Variants in SGCD observed in about 807,000 individuals in gnomAD.
SGCD encodes the protein sarcoglycan delta.
In SGCD, 18 loss-of-function variants were observed where a neutral mutation model predicts 36.6. That is an observed-to-expected ratio of 0.49 (90% CI 0.34 to 0.73). SGCD has a LOEUF of 0.73. SGCD is among the 30% of genes least tolerant of loss of function. The probability of loss-of-function intolerance (pLI) is 0.01; values close to 1 mark genes in which losing one functional copy is unlikely to be tolerated. For missense variants in SGCD, 387 were observed against 346.7 expected (o/e 1.12, Z -0.92); for synonymous variants, 133 against 130.6 (o/e 1.02, Z -0.12).
intron 7 of SGCD, among the ~76,000 whole-genome samples, chr5:156,726,021 C>A (rs1755756212): frequency 6.6e-6 from 1 of 152,174 alleles, no homozygotes; most frequent in South Asian, 2.1e-4. Context: ...AAATTCTAGT[C>A]ATCTCCAAAG....
intron 4 of SGCD, among the ~76,000 whole-genome samples, chr5:156,521,889 T>C (rs1757425658): frequency 6.6e-6 from 1 of 152,164 alleles, no homozygotes; most frequent in South Asian, 2.1e-4. Context: ...TAAAGATACA[T>C]ACATGTGTAT....
intron 3 of SGCD, among the ~76,000 whole-genome samples, chr5:156,471,976 G>T (rs925378096): frequency 3.3e-5 from 5 of 150,682 alleles, no homozygotes; most frequent in African/African-American, 1.2e-4. Context: ...CACAAAAGAA[G>T]ATTTATGAAT....
chr5:156,105,939 C>T (rs955190020), intron 1 of SGCD, among the ~76,000 whole-genome samples: 4 of 151,046 alleles, frequency 2.6e-5, no homozygotes, highest in African/African-American at 9.7e-5. Context: ...GGTGAAACCC[C>T]GTCTCTACTA....
chr5:156,599,619 ATT>A (rs1467583740), intron 6 of SGCD, among the ~76,000 whole-genome samples: 1 of 152,214 alleles, frequency 6.6e-6, no homozygotes, highest in African/African-American at 2.4e-5. Context: ...CCTTGAGCAC[ATT>A]CAAGGGATCT....
intron 1 of SGCD, among the ~76,000 whole-genome samples, chr5:155,995,827 C>T (rs993295816): frequency 2.0e-5 from 3 of 151,716 alleles, no homozygotes; most frequent in Non-Finnish European, 2.9e-5. Context: ...AGATGGCCCC[C>T]GAGTGAGGAA....
intron 4 of SGCD, among the ~76,000 whole-genome samples, chr5:156,547,296 T>A (rs1056295243): frequency 6.6e-6 from 1 of 152,278 alleles, no homozygotes; most frequent in Admixed American, 6.5e-5. Context: ...CCCTCTGTTG[T>A]GACAACCAAA....
At chr5:156,591,120 C>T (rs866799929) in intron 5 of SGCD, among the ~76,000 whole-genome samples, 14 of 152,188 alleles carry the variant, frequency 9.2e-5, no homozygotes, top group African/African-American at 2.9e-4. Context: ...TTTTACATTA[C>T]ATTAATGCAC....
intron 1 of SGCD, among the ~76,000 whole-genome samples, chr5:155,914,599 A>G (rs1481856056): frequency 1.3e-5 from 2 of 152,188 alleles, no homozygotes; most frequent in African/African-American, 2.4e-5. Context: ...TGGCTAACCT[A>G]TTTTCTGCTG....
chr5:156,319,614 T>C lies in SGCD; in HGVS notation c.-43-9920T>C, dbSNP rs1046438029. ...GTGAAGCCCCAGCAGTAATTTCCCATAGTGAGTGAAGAGGTGATACAGTGA... is the reference window on the plus strand; with the variant it reads ...GTGAAGCCCCAGCAGTAATTTCCCACAGTGAGTGAAGAGGTGATACAGTGA... On this transcript the variant is annotated intron_variant, in intron 3 of 9. Coordinates refer to the SGCD transcript ENST00000517913. Among the ~76,000 whole-genome samples, 10 of 152,164 alleles carry C rather than the reference T, an allele frequency of 6.6e-5. 1 individual carries two copies. The highest frequency in any genetic ancestry group is 6.5e-4 in the Admixed American group (10 of 15,278).
At chr5:156,419,038 A>T (rs1167338516) in intron 3 of SGCD, among the ~76,000 whole-genome samples, 1 of 152,160 alleles carries the variant, frequency 6.6e-6, no homozygotes, top group Non-Finnish European at 1.5e-5. Flanking sequence ...CTACTTTGTT[A>T]GTTTATTGCA....
chr5:156,684,278 G>A (rs777047111), intron 7 of SGCD, among the ~76,000 whole-genome samples: 3 of 152,080 alleles, frequency 2.0e-5, no homozygotes, highest in Non-Finnish European at 4.4e-5. Flanking sequence ...AGATGATGAA[G>A]TGAGGATGCT....
intron 3 of SGCD, among the ~76,000 whole-genome samples, chr5:156,456,699 G>A (rs987152115): frequency 6.6e-6 from 1 of 152,176 alleles, no homozygotes; most frequent in African/African-American, 2.4e-5. Flanking sequence ...AGGCTTTAGA[G>A]GGATTGTGGT....
chr5:156,635,182 C>T (rs549806695), intron 6 of SGCD, among the ~76,000 whole-genome samples: 1 of 152,254 alleles, frequency 6.6e-6, no homozygotes, highest in African/African-American at 2.4e-5. Context: ...TGTGATCACA[C>T]CACTGCACTC....
chr5:156,701,650 T>A (rs1159395923), intron 7 of SGCD, among the ~76,000 whole-genome samples: 1 of 152,150 alleles, frequency 6.6e-6, no homozygotes, highest in Admixed American at 6.5e-5. Flanking sequence ...ACCATCATTC[T>A]CAGTAAAACA....
chr5:155,745,899 A>G, the SGCD span, among the ~76,000 whole-genome samples: 7 of 152,320 alleles, frequency 4.6e-5, no homozygotes, highest in Admixed American at 4.6e-4. Context: ...ATTCTCCAAC[A>G]TTTAGGAGTA....
At chr5:156,149,144 G>T (rs1254866401) in intron 3 of SGCD, among the ~76,000 whole-genome samples, 1 of 152,140 alleles carries the variant, frequency 6.6e-6, no homozygotes, top group Non-Finnish European at 1.5e-5. Flanking sequence ...TACATAGTAG[G>T]TATATGTATC....
At chr5:155,766,465 A>G in the SGCD span, among the ~76,000 whole-genome samples, 2 of 152,142 alleles carry the variant, frequency 1.3e-5, no homozygotes, top group African/African-American at 4.8e-5. Context: ...TAGCTATGGT[A>G]ATTCCTCAAT....
the SGCD span, among the ~76,000 whole-genome samples, chr5:155,820,763 C>T: frequency 6.6e-6 from 1 of 152,076 alleles, no homozygotes; most frequent in South Asian, 2.1e-4. Flanking sequence ...AACTGCCCTA[C>T]AGATACAAGA....
At chr5:156,228,968 C>T (rs1339794699) in intron 3 of SGCD, among the ~76,000 whole-genome samples, 2 of 149,210 alleles carry the variant, frequency 1.3e-5, no homozygotes, top group Non-Finnish European at 2.9e-5. Context: ...AAAGGCACAC[C>T]GACCCTTAGA....
Sources: allele counts gnomAD v4.1 joint callset (sites outside exome capture counted in the v4.1 genomes callset), GRCh38; gene constraint gnomAD v4.1.1; transcripts MANE v1.5; gene names NCBI Gene and HGNC (gene_info 2026-07-23, HGNC 2026-07-21).